Variants in RPGRIP1L observed in about 807,000 individuals in gnomAD.
RPGRIP1L encodes protein fantom.
A neutral mutation model predicts 160.4 loss-of-function variants in RPGRIP1L; 131 were observed. That is an observed-to-expected ratio of 0.82 (90% CI 0.71 to 0.94). RPGRIP1L has a LOEUF of 0.94. Ranked by LOEUF, RPGRIP1L falls within the 40% of genes least tolerant of loss-of-function variation. RPGRIP1L has a pLI of 0.00. For synonymous variants in RPGRIP1L, 510 were observed against 515.8 expected (o/e 0.99, Z 0.15); for missense variants, 1,522 against 1,535.8 (o/e 0.99, Z 0.15).
chr16:53,674,962 CT>C, intron 7 of RPGRIP1L, 54 bp downstream of exon 7: 1 of 1,215,358 alleles, frequency 8.2e-7, no homozygotes, highest in Non-Finnish European at 1.2e-6. Context: ...TTGAATACTA[CT>C]TTTGAATCCT....
intron 21 of RPGRIP1L, 95 bp downstream of exon 21, chr16:53,637,600 T>C (rs1567819881): frequency 2.7e-6 from 3 of 1,095,966 alleles, no homozygotes; most frequent in Non-Finnish European, 2.8e-6. Flanking sequence ...AAGTAGACGC[T>C]ACCATTAAAT....
intron 9 of RPGRIP1L, among the ~76,000 whole-genome samples, chr16:53,665,891 A>G (rs1378301199): frequency 6.6e-6 from 1 of 152,160 alleles, no homozygotes; most frequent in Admixed American, 6.5e-5. Flanking sequence ...GGGCCCAGGT[A>G]TTCATATTTT....
In RPGRIP1L at chr16:53,601,625, T is replaced by TA. The variant is rs1963381583; in HGVS notation, c.*450dup. On this transcript the variant is annotated 3_prime_UTR_variant, in exon 27 of 27. Transcript: ENST00000647211. ...TGCTTCTAATAAAATCTTCACAGTATAAAACTCTTAATGAAGCTAATCATA... is the reference window on the plus strand; with the variant it reads ...TGCTTCTAATAAAATCTTCACAGTATAAAAACTCTTAATGAAGCTAATCATA... The TA allele has an allele frequency of 5.7e-6, 1 of 176,562 alleles. No homozygotes were observed. The highest frequency in any genetic ancestry group is 1.4e-4 in the East Asian group (1 of 7,280). 10.9% of individuals were successfully genotyped at this position (176,562 alleles called of 1,614,324 possible).
chr16:53,687,113 A>G (rs1970075624), intron 5 of RPGRIP1L, among the ~76,000 whole-genome samples: 1 of 152,058 alleles, frequency 6.6e-6, no homozygotes, highest in South Asian at 2.1e-4. Context: ...CTAGTCTTTT[A>G]TTTTCCTGCA....
At chr16:53,642,500 T>C (rs1966289747) in intron 17 of RPGRIP1L, among the ~76,000 whole-genome samples, 1 of 150,334 alleles carries the variant, frequency 6.7e-6, no homozygotes, top group Non-Finnish European at 1.5e-5. Context: ...GAACATGAGG[T>C]GATAAACTTT....
intron 1 of RPGRIP1L, chr16:53,701,693 T>C (rs911523098): frequency 6.6e-6 from 1 of 151,850 alleles, no homozygotes; most frequent in Non-Finnish European, 1.5e-5. Flanking sequence ...TTCAGCTCTG[T>C]ATTCTTGGAG....
chr16:53,640,549 G>C (rs1490179121), intron 19 of RPGRIP1L, among the ~76,000 whole-genome samples: 2 of 152,150 alleles, frequency 1.3e-5, no homozygotes, highest in Admixed American at 6.6e-5. Flanking sequence ...TTGGAGGCAA[G>C]CTAGGAAGGC....
At chr16:53,602,632 G>A (rs1417556144) in intron 26 of RPGRIP1L, among the ~76,000 whole-genome samples, 4 of 152,110 alleles carry the variant, frequency 2.6e-5, no homozygotes, top group African/African-American at 7.2e-5. Flanking sequence ...AAAATTAGCC[G>A]AGCATGGTGG....
rs567319428 is a variant in RPGRIP1L at position 53,604,995 on chromosome 16, T to C, written c.3835+486A>G. On this transcript the variant is annotated intron_variant, in intron 26 of 26. Transcript: ENST00000647211. ...GAGTTCGAGACCAGCCTGGGCAACATGATGAAACCCTGTCTCTATAAAAAA... is the reference window on the plus strand; with the variant it reads ...GAGTTCGAGACCAGCCTGGGCAACACGATGAAACCCTGTCTCTATAAAAAA... 3.7e-4 allele frequency among the ~76,000 whole-genome samples: 56 copies of C among 152,026 alleles called. No homozygotes were observed. The South Asian group carries it at 6.2e-3, about 17-fold the overall frequency.
chr16:53,646,709 A>C (rs1473070231), intron 16 of RPGRIP1L, among the ~76,000 whole-genome samples: 2 of 152,210 alleles, frequency 1.3e-5, no homozygotes, highest in African/African-American at 2.4e-5. Flanking sequence ...TGGAACAAAG[A>C]AAATGCTAGT....
At position 53,636,980 on chromosome 16, in the gene RPGRIP1L, ACACAC is replaced by A. The variant is rs1965880949; in HGVS notation, c.3221-473_3221-469del. ...CACACACACACACACACACACACAC[ACACAC>A]ACTCTTTAATTACTTTTAGAGACAG... On this transcript the variant is annotated intron_variant, in intron 21 of 26. Transcript: ENST00000647211. 7.3e-5 allele frequency among the ~76,000 whole-genome samples: 10 copies of A among 136,228 alleles called. No individual in the cohort carries two copies. In the South Asian group the frequency reaches 2.1e-3, roughly 28 times the overall value. 89.4% of individuals were successfully genotyped at this position (136,228 alleles called of 152,430 possible).
intron 2 of RPGRIP1L, among the ~76,000 whole-genome samples, chr16:53,699,684 G>A (rs889658365): frequency 4.6e-5 from 7 of 152,066 alleles, no homozygotes; most frequent in African/African-American, 9.7e-5. Context: ...CCGGCATGGC[G>A]GCGAACACCT....
In RPGRIP1L at chr16:53,600,164, A is replaced by T. The variant is rs1963317590; in HGVS notation, c.*1912T>A. Reference sequence around the variant, plus strand: ...ACCTCCTGGGAGAATACCACAATAAATGTCTCAAAAACCACTCAGTTAATC... The same window carrying T: ...ACCTCCTGGGAGAATACCACAATAATTGTCTCAAAAACCACTCAGTTAATC... On this transcript the variant is annotated 3_prime_UTR_variant, in exon 27 of 27. Coordinates refer to ENST00000647211, the MANE Select transcript of RPGRIP1L (RefSeq NM_015272.5). 6.6e-6 allele frequency: 1 copy of T among 152,608 alleles called. No individual in the cohort carries two copies. The highest frequency in any genetic ancestry group is 2.1e-4 in the South Asian group (1 of 4,828). 9.5% of individuals were successfully genotyped at this position (152,608 alleles called of 1,614,324 possible).
chr16:53,680,866 A>G (rs1294888639), intron 6 of RPGRIP1L, among the ~76,000 whole-genome samples: 2 of 152,062 alleles, frequency 1.3e-5, no homozygotes, highest in African/African-American at 4.8e-5. Flanking sequence ...AGGAGGGAAG[A>G]GGAGATGAGA....
Position 53,692,135 on chromosome 16 carries a change from G to C in RPGRIP1L, c.460C>G (p.Gln154Glu), listed in dbSNP as rs773976897. Residue 154 changes from glutamine (Q) to glutamate (E), a missense_variant, in exon 4 of 27, where the codon CAA becomes GAA. Transcript: ENST00000647211. ...CTACGCCCAGTGTTAATACGAGATT[G>C]TACATTATTGTATGGAGTTTGCCTG... is the stretch of plus-strand genomic sequence containing the variant. ...GYRQTPYNNV[Q>E]SRINTGRRKA... is the part of the protein sequence containing the mutation. 6.2e-7 allele frequency: 1 copy of C among 1,614,032 alleles called. No individual in the cohort carries two copies. The highest frequency in any genetic ancestry group is 8.5e-7 in the Non-Finnish European group (1 of 1,179,992).
chr16:53,676,950 T>C (rs548613534), intron 6 of RPGRIP1L, among the ~76,000 whole-genome samples: 2 of 152,258 alleles, frequency 1.3e-5, no homozygotes, highest in South Asian at 4.1e-4. Flanking sequence ...GTTGATACTT[T>C]TAAGAAAATT....
chr16:53,621,006 T>G (rs1175933950), intron 23 of RPGRIP1L, among the ~76,000 whole-genome samples: 1 of 152,106 alleles, frequency 6.6e-6, no homozygotes, highest in African/African-American at 2.4e-5. Context: ...ACAAAAGAAT[T>G]AAAGGAAAAT....
chr16:53,667,183 G>A lies in RPGRIP1L; in HGVS notation c.1104-2174C>T, dbSNP rs1235214860. ...TGTACACATTTCACTGTTACATGAT[G>A]TTGCAGGACTGATCAAATGTCAGCC... On this transcript the variant is annotated intron_variant, in intron 9 of 26. Coordinates refer to ENST00000647211, the MANE Select transcript of RPGRIP1L (RefSeq NM_015272.5). Among the ~76,000 whole-genome samples the A allele has an allele frequency of 2.0e-5, 3 of 152,304 alleles. No homozygotes were observed. In the East Asian group the frequency reaches 5.8e-4, roughly 29 times the overall value.
chr16:53,698,204 G>A (rs373545494), intron 2 of RPGRIP1L, among the ~76,000 whole-genome samples: 7,093 of 150,954 alleles, frequency 0.047, 38 homozygotes, highest in East Asian at 0.25. Flanking sequence ...CCCTCCGCCC[G>A]GCAGCCACCC....
Sources: gnomAD v4.1 joint callset for allele counts (sites outside exome capture counted in the v4.1 genomes callset) on GRCh38, gnomAD v4.1.1 for gene constraint, MANE v1.5 for transcripts, NCBI Gene and HGNC (gene_info 2026-07-23, HGNC 2026-07-21) for gene names.